GPC5: variants seen among roughly 807,000 people sequenced by gnomAD.
The protein encoded by GPC5 is glypican 5.
GPC5 carries 47 observed loss-of-function variants against 53.9 expected under a neutral mutation model. The ratio of observed to expected loss-of-function variants is 0.87; its 90% CI spans 0.69 to 1.11. GPC5 has a LOEUF of 1.11. Ranked by LOEUF, GPC5 falls within the 50% of genes most tolerant of loss-of-function variation. The pLI, the probability that GPC5 is intolerant of heterozygous loss-of-function variation, is 0.00. For synonymous variants in GPC5, 286 were observed against 263.3 expected (o/e 1.09, Z -0.84); for missense variants, 748 against 713.1 (o/e 1.05, Z -0.56).
intron 7 of GPC5, among the ~76,000 whole-genome samples, chr13:92,324,167 G>A (rs9589502): frequency 0.26 from 38,787 of 151,626 alleles, 5,143 homozygotes; most frequent in South Asian, 0.39. Flanking sequence ...AATATGACAG[G>A]GAACACACAT....
At chr13:92,483,732 CTGT>C (rs1879444946) in intron 7 of GPC5, among the ~76,000 whole-genome samples, 1 of 151,554 alleles carries the variant, frequency 6.6e-6, no homozygotes, top group Non-Finnish European at 1.5e-5. Flanking sequence ...TTAAAACATA[CTGT>C]ACAGTTATAC....
intron 7 of GPC5, among the ~76,000 whole-genome samples, chr13:92,474,251 A>G (rs1222327937): frequency 1.3e-5 from 2 of 151,796 alleles, no homozygotes; most frequent in East Asian, 1.9e-4. Flanking sequence ...ACCATGGTTT[A>G]ATGAGTGACC....
At chr13:92,487,439 C>G (rs116419149) in intron 7 of GPC5, among the ~76,000 whole-genome samples, 1 of 152,186 alleles carries the variant, frequency 6.6e-6, no homozygotes, top group African/African-American at 2.4e-5. Flanking sequence ...TGTCATGATT[C>G]ACCAAAGGCA....
intron 7 of GPC5, among the ~76,000 whole-genome samples, chr13:92,159,617 T>TTTTTTA: frequency 7.0e-6 from 1 of 142,504 alleles, no homozygotes; most frequent in Non-Finnish European, 1.5e-5. Flanking sequence ...TTTTTTTTTT[T>TTTTTTA]TTTGAGACAG....
intron 7 of GPC5, among the ~76,000 whole-genome samples, chr13:92,864,003 T>C (rs1014221657): frequency 2.0e-5 from 3 of 152,218 alleles, no homozygotes; most frequent in Non-Finnish European, 4.4e-5. Flanking sequence ...ACAATAAATC[T>C]CCAAACTAAT....
chr13:92,362,767 A>T (rs1410517818), intron 7 of GPC5, among the ~76,000 whole-genome samples: 1 of 151,676 alleles, frequency 6.6e-6, no homozygotes, highest in Non-Finnish European at 1.5e-5. Flanking sequence ...CCAATTTTAC[A>T]CTTCTCTTCA....
intron 2 of GPC5, among the ~76,000 whole-genome samples, chr13:91,691,131 C>G (rs1253584740): frequency 1.3e-5 from 2 of 152,160 alleles, no homozygotes; most frequent in Non-Finnish European, 2.9e-5. Context: ...TCTGTGAAAA[C>G]AGAGTGTAGT....
chr13:91,891,193 T>C (rs539036285), intron 5 of GPC5, among the ~76,000 whole-genome samples: 30 of 152,206 alleles, frequency 2.0e-4, no homozygotes, highest in African/African-American at 7.0e-4. Flanking sequence ...TAATAACAGA[T>C]GTATTAAAGA....
chr13:92,416,347 G>A (rs559253123), intron 7 of GPC5, among the ~76,000 whole-genome samples: 28 of 152,290 alleles, frequency 1.8e-4, no homozygotes, highest in African/African-American at 6.3e-4. Context: ...GATTGGAAGA[G>A]GCATGTTAGC....
At position 92,424,161 on chromosome 13, in the gene GPC5, A is replaced by G. The variant is rs77618053; in HGVS notation, c.1561+279172A>G. ...AACAAATTAAAATTTCTTCCATGAT[A>G]TGAAAATTCCTCTAGGGTTATTGCT... On this transcript the variant is annotated intron_variant, in intron 7 of 7. Coordinates refer to ENST00000377067, the MANE Select transcript of GPC5 (RefSeq NM_004466.6). Among the ~76,000 whole-genome samples, 647 of 152,258 alleles carry G rather than the reference A, an allele frequency of 4.2e-3. 9 individuals carry two copies. The highest frequency in any genetic ancestry group is 0.014 in the Middle Eastern group (4 of 294).
At chr13:92,449,862 G>T (rs2139397250) in intron 7 of GPC5, among the ~76,000 whole-genome samples, 1 of 152,086 alleles carries the variant, frequency 6.6e-6, no homozygotes, top group East Asian at 1.9e-4. Context: ...CTAGAAAATT[G>T]TATACTTACT....
At chr13:92,694,353 G>A (rs1227687649) in intron 7 of GPC5, among the ~76,000 whole-genome samples, 1 of 152,166 alleles carries the variant, frequency 6.6e-6, no homozygotes, top group Non-Finnish European at 1.5e-5. Context: ...CATGCACCTG[G>A]AAAAGCCTCA....
intron 7 of GPC5, among the ~76,000 whole-genome samples, chr13:92,572,818 C>A (rs1281856656): frequency 6.6e-6 from 1 of 152,080 alleles, no homozygotes; most frequent in Non-Finnish European, 1.5e-5. Context: ...AGGAAAAACT[C>A]AACCATTTTA....
intron 5 of GPC5, among the ~76,000 whole-genome samples, chr13:91,871,664 G>T (rs1311499854): frequency 6.6e-6 from 1 of 151,482 alleles, no homozygotes. Context: ...AATTACATTG[G>T]TATTAGTACA....
At chr13:91,626,246 A>G (rs1269944816) in intron 2 of GPC5, among the ~76,000 whole-genome samples, 3 of 152,202 alleles carry the variant, frequency 2.0e-5, no homozygotes, top group Non-Finnish European at 2.9e-5. Context: ...ACACAAATCA[A>G]TATCATATAT....
chr13:92,412,692 G>A (rs1876101338), intron 7 of GPC5, among the ~76,000 whole-genome samples: 1 of 152,096 alleles, frequency 6.6e-6, no homozygotes, highest in South Asian at 2.1e-4. Context: ...CAGACCATAT[G>A]GTCCTTAAAG....
Position 91,949,528 on chromosome 13 carries a change from G to A in GPC5, c.1401+41471G>A, listed in dbSNP as rs547855623. 3.7e-4 allele frequency among the ~76,000 whole-genome samples: 57 copies of A among 152,268 alleles called. 1 individual carries two copies. The highest frequency in any genetic ancestry group is 1.3e-3 in the African/African-American group (53 of 41,556). ...GATACCTTTCTATAGCATCCTTAAAGGATGCTAAAGGTATAGCTTGCTAGA... is the reference window on the plus strand; with the variant it reads ...GATACCTTTCTATAGCATCCTTAAAAGATGCTAAAGGTATAGCTTGCTAGA... On this transcript the variant is annotated intron_variant, in intron 6 of 7. Transcript: ENST00000377067.
intron 7 of GPC5, among the ~76,000 whole-genome samples, chr13:92,235,511 T>C (rs1373290610): frequency 6.6e-6 from 1 of 152,176 alleles, no homozygotes; most frequent in Admixed American, 6.5e-5. Flanking sequence ...ACTCATTCTT[T>C]CTACAGTTTT....
intron 3 of GPC5, among the ~76,000 whole-genome samples, chr13:91,706,136 C>T (rs1450890087): frequency 6.6e-6 from 1 of 151,908 alleles, no homozygotes; most frequent in East Asian, 1.9e-4. Context: ...ACCTTGGCCT[C>T]CCAAAGTGTT....
Sources: gnomAD v4.1 joint callset for allele counts (sites outside exome capture counted in the v4.1 genomes callset) on GRCh38, gnomAD v4.1.1 for gene constraint, MANE v1.5 for transcripts, NCBI Gene and HGNC (gene_info 2026-07-23, HGNC 2026-07-21) for gene names.